SORCS3: variants seen among roughly 807,000 people sequenced by gnomAD.
SORCS3 encodes the protein VPS10 domain-containing receptor SorCS3.
In SORCS3, 57 loss-of-function variants were observed where a neutral mutation model predicts 146.3. That is an observed-to-expected ratio of 0.39 (90% CI 0.31 to 0.49). The LOEUF is 0.49. Ranked by LOEUF, SORCS3 falls within the 20% of genes least tolerant of loss-of-function variation. The pLI is 0.92. For missense variants in SORCS3, 1,341 were observed against 1,575.5 expected (o/e 0.85, Z 2.52); for synonymous variants, 653 against 618.5 (o/e 1.06, Z -0.83).
intron 14 of SORCS3, among the ~76,000 whole-genome samples, chr10:105,183,287 G>A (rs1218886478): frequency 6.6e-6 from 1 of 152,212 alleles, no homozygotes; most frequent in Non-Finnish European, 1.5e-5. Flanking sequence ...TGTTCCACCA[G>A]CAGAACTAAC....
intron 7 of SORCS3, among the ~76,000 whole-genome samples, chr10:105,107,292 C>A (rs1564755596): frequency 1.3e-5 from 2 of 151,544 alleles, no homozygotes; most frequent in African/African-American, 4.8e-5. Flanking sequence ...CCATTTAAGG[C>A]CTTTATCTCT....
intron 1 of SORCS3, among the ~76,000 whole-genome samples, chr10:104,709,471 A>AT (rs1250892504): frequency 1.3e-5 from 2 of 152,088 alleles, no homozygotes; most frequent in East Asian, 3.9e-4. Context: ...TATTATTAGA[A>AT]TTTTTTTACA....
rs1407872041 is a variant in SORCS3 at position 105,008,605 on chromosome 10, A to G, written c.954+31112A>G. 3.9e-5 allele frequency among the ~76,000 whole-genome samples: 6 copies of G among 152,164 alleles called. No individual in the cohort carries two copies. In the East Asian group the frequency reaches 9.7e-4, roughly 24 times the overall value. On this transcript the variant is annotated intron_variant, in intron 4 of 26. Transcript: ENST00000369701. ...TGAATATTACTGAAACTATAATGAAAGGTAGTTTTGAGAAGGTAGGATCAA... is the reference window on the plus strand; with the variant it reads ...TGAATATTACTGAAACTATAATGAAGGGTAGTTTTGAGAAGGTAGGATCAA...
At position 105,234,712 on chromosome 10, in the gene SORCS3, C is replaced by CT. The variant is rs544901018; in HGVS notation, c.2869-10821dup. Among the ~76,000 whole-genome samples the CT allele has an allele frequency of 7.8e-3, 1,173 of 151,088 alleles. 7 individuals are homozygous for CT. The highest frequency in any genetic ancestry group is 0.041 in the Middle Eastern group (12 of 294). On this transcript the variant is annotated intron_variant, in intron 20 of 26. Coordinates refer to ENST00000369701, the MANE Select transcript of SORCS3 (RefSeq NM_014978.3). ...ACAGTGTTTTTGATCCCTAGCATTT[C>CT]TTTTTTTTTCTTAGAATTTTCAACT...
intron 14 of SORCS3, among the ~76,000 whole-genome samples, chr10:105,195,810 T>C (rs972967556): frequency 2.0e-5 from 3 of 152,172 alleles, no homozygotes; most frequent in African/African-American, 4.8e-5. Context: ...TTGGGGCCCA[T>C]TGAGAAAATG....
intron 6 of SORCS3, among the ~76,000 whole-genome samples, chr10:105,092,608 A>ACACACACACAC (rs2055717825): frequency 1.4e-5 from 2 of 147,266 alleles, no homozygotes; most frequent in Non-Finnish European, 3.0e-5. Context: ...TGCATTCACA[A>ACACACACACAC]ACACACACAC....
At chr10:104,851,935 C>T (rs1158302879) in intron 2 of SORCS3, among the ~76,000 whole-genome samples, 6 of 152,144 alleles carry the variant, frequency 3.9e-5, no homozygotes, top group African/African-American at 7.2e-5. Flanking sequence ...TGGTAAAAGA[C>T]GTCTCCTCCC....
intron 5 of SORCS3, among the ~76,000 whole-genome samples, chr10:105,049,536 G>A (rs911689981): frequency 6.6e-6 from 1 of 152,100 alleles, no homozygotes; most frequent in African/African-American, 2.4e-5. Context: ...ACATGGAGGA[G>A]GGAGAATTGG....
Position 105,223,180 on chromosome 10 carries a change from C to T in SORCS3, c.2799C>T (p.Ile933=), listed in dbSNP as rs1445375394. ...CCATAAGAAATAAGGAGGTCAACATCAGTGCAGTCGTGTGGCCCAGTCAAC... is the reference window on the plus strand; with the variant it reads ...CCATAAGAAATAAGGAGGTCAACATTAGTGCAGTCGTGTGGCCCAGTCAAC... ...FVAIRNKEVN[I]SAVVWPSQLG... The change falls in exon 20 of 27, where the codon ATC becomes ATT. Residue 933 remains isoleucine, a synonymous_variant. Coordinates refer to ENST00000369701, the MANE Select transcript of SORCS3 (RefSeq NM_014978.3). 1.2e-6 allele frequency: 2 copies of T among 1,613,294 alleles called. No individual in the cohort carries two copies. Among genetic ancestry groups the T allele is most frequent in the Admixed American group, 1.7e-5 (1 of 59,986 alleles).
At chr10:105,141,293 C>A (rs1021372824) in intron 8 of SORCS3, among the ~76,000 whole-genome samples, 1 of 152,080 alleles carries the variant, frequency 6.6e-6, no homozygotes, top group Non-Finnish European at 1.5e-5. Flanking sequence ...TCATCCAGAG[C>A]AGCTTCTCAT....
chr10:105,228,422 C>T (rs773499024), intron 20 of SORCS3, among the ~76,000 whole-genome samples: 15 of 149,574 alleles, frequency 1.0e-4, no homozygotes, highest in Non-Finnish European at 1.3e-4. Flanking sequence ...TTCTCTGTTT[C>T]TTGCTTTCTT....
chr10:104,957,330 T>C (rs2019505589), intron 3 of SORCS3, among the ~76,000 whole-genome samples: 1 of 152,158 alleles, frequency 6.6e-6, no homozygotes, highest in South Asian at 2.1e-4. Context: ...ATGGCAACAG[T>C]GGGCTGTGGC....
chr10:105,128,586 T>C (rs2055992875), intron 7 of SORCS3, among the ~76,000 whole-genome samples: 1 of 152,206 alleles, frequency 6.6e-6, no homozygotes, highest in African/African-American at 2.4e-5. Flanking sequence ...ATTCATCCCC[T>C]GTGGCTGAAG....
intron 1 of SORCS3, among the ~76,000 whole-genome samples, chr10:104,811,123 A>T (rs1814099011): frequency 6.6e-6 from 1 of 152,252 alleles, no homozygotes; most frequent in South Asian, 2.1e-4. Context: ...TAAAAGTACC[A>T]TATAGGAAGG....
chr10:104,645,617 C>G (rs1208399604), intron 1 of SORCS3, among the ~76,000 whole-genome samples: 9 of 152,162 alleles, frequency 5.9e-5, no homozygotes, highest in Admixed American at 1.3e-4. Context: ...AGGTAGTTCT[C>G]AATTAATGGG....
At chr10:105,062,016 G>C (rs1354500996) in intron 5 of SORCS3, among the ~76,000 whole-genome samples, 1 of 152,152 alleles carries the variant, frequency 6.6e-6, no homozygotes, top group East Asian at 1.9e-4. Flanking sequence ...TGGGACAGAG[G>C]GGGATTCAGG....
intron 25 of SORCS3, among the ~76,000 whole-genome samples, chr10:105,259,551 T>G (rs2056949084): frequency 6.6e-6 from 1 of 152,174 alleles, no homozygotes; most frequent in Admixed American, 6.5e-5. Context: ...TCTCGCAGGC[T>G]CTCTTGCTCT....
intron 4 of SORCS3, among the ~76,000 whole-genome samples, chr10:105,024,488 T>G (rs1214175537): frequency 6.6e-6 from 1 of 152,292 alleles, no homozygotes; most frequent in East Asian, 1.9e-4. Context: ...CCAGCATTGA[T>G]TTCATGGGAA....
chr10:104,804,821 C>T (rs2017663377), intron 1 of SORCS3, among the ~76,000 whole-genome samples: 1 of 152,190 alleles, frequency 6.6e-6, no homozygotes, highest in Non-Finnish European at 1.5e-5. Flanking sequence ...TACTTGATTT[C>T]AACTGGAAAG....
Sources: allele counts gnomAD v4.1 joint callset (sites outside exome capture counted in the v4.1 genomes callset), GRCh38; gene constraint gnomAD v4.1.1; transcripts MANE v1.5; gene names NCBI Gene and HGNC (gene_info 2026-07-23, HGNC 2026-07-21).